SPAG16: variants seen among roughly 807,000 people sequenced by gnomAD.
SPAG16 encodes sperm associated antigen 16, also known as sperm-associated antigen 16 protein.
SPAG16 carries 86 observed loss-of-function variants against 80.4 expected under a neutral mutation model. The ratio of observed to expected loss-of-function variants is 1.07; its 90% CI spans 0.90 to 1.28. The LOEUF (loss-of-function observed/expected upper bound fraction) is 1.28. Among genes scored for constraint, SPAG16 ranks in the 50% most tolerant of loss-of-function variants. SPAG16 has a pLI of 0.00. For missense variants in SPAG16, 870 were observed against 765.3 expected (o/e 1.14, Z -1.61); for synonymous variants, 294 against 265.9 (o/e 1.11, Z -1.03).
chr2:213,733,399 T>G (rs557177196), intron 10 of SPAG16, among the ~76,000 whole-genome samples: 10 of 152,146 alleles, frequency 6.6e-5, no homozygotes, highest in Admixed American at 5.9e-4. Context: ...AGGAGGAATA[T>G]CCCAATAAAG....
At chr2:213,925,342 GTTTCTTTTCTTCCTTTTT>G (rs1319602080) in intron 11 of SPAG16, among the ~76,000 whole-genome samples, 1 of 142,558 alleles carries the variant, frequency 7.0e-6, no homozygotes, top group Non-Finnish European at 1.5e-5. Flanking sequence ...ACTTGTTCTT[GTTTCTTTTCTTCCTTTTT>G]TTTTTTTTTG....
At chr2:214,234,705 A>G (rs1688957024) in intron 15 of SPAG16, among the ~76,000 whole-genome samples, 1 of 152,028 alleles carries the variant, frequency 6.6e-6, no homozygotes, top group Admixed American at 6.6e-5. Context: ...GTGCCTGTTT[A>G]TGTCCTTTGC....
chr2:213,755,326 A>G (rs927176618), intron 10 of SPAG16, among the ~76,000 whole-genome samples: 2 of 152,230 alleles, frequency 1.3e-5, no homozygotes, highest in African/African-American at 4.8e-5. Context: ...ATTTTAAAAT[A>G]GTTTTGACTG....
intron 15 of SPAG16, among the ~76,000 whole-genome samples, chr2:214,346,974 T>C (rs988212130): frequency 3.3e-5 from 5 of 152,208 alleles, no homozygotes; most frequent in African/African-American, 1.2e-4. Context: ...GTTTGGGGTT[T>C]GTCATATTTC....
intron 15 of SPAG16, among the ~76,000 whole-genome samples, chr2:214,291,205 T>A (rs569875486): frequency 6.6e-6 from 1 of 152,138 alleles, no homozygotes; most frequent in South Asian, 2.1e-4. Flanking sequence ...TCCTTTTGTT[T>A]GGAATATCTT....
In SPAG16 at chr2:214,013,999, C is replaced by T; in HGVS notation, c.1449C>T (p.Ser483=). 6.2e-7 allele frequency: 1 copy of T among 1,613,456 alleles called. No homozygotes were observed. Among genetic ancestry groups the T allele is most frequent in the Non-Finnish European group, 8.5e-7 (1 of 1,179,668 alleles). ...TLYGHTDSVN[S]IEFFPFSNTL... ...ATGGACATACAGATTCTGTGAACAG[C>T]ATTGAGTTTTTTCCTTTCTCCAATA... is the stretch of plus-strand genomic sequence containing the variant. The change falls in exon 13 of 16, where the codon AGC becomes AGT. Residue 483 remains serine, a synonymous_variant. Transcript: ENST00000331683.
At chr2:213,456,843 A>C (rs2072046142) in intron 9 of SPAG16, among the ~76,000 whole-genome samples, 1 of 150,570 alleles carries the variant, frequency 6.6e-6, no homozygotes, top group African/African-American at 2.4e-5. Context: ...TTTTGGAACA[A>C]CTCTCTATGG....
At chr2:214,328,972 C>T (rs1696696536) in intron 15 of SPAG16, among the ~76,000 whole-genome samples, 1 of 152,030 alleles carries the variant, frequency 6.6e-6, no homozygotes, top group African/African-American at 2.4e-5. Flanking sequence ...TCATTATATA[C>T]ATAAGAAAAC....
At position 214,410,418 on chromosome 2, in the gene SPAG16, C is replaced by A; in HGVS notation, c.*103C>A. On this transcript the variant is annotated 3_prime_UTR_variant, in exon 16 of 16. Transcript: ENST00000331683. Reference sequence around the variant, plus strand: ...ACTGGTTAAATGTGCCAGCAGGTAACATTTACAGTCTGCTTTAAAACATGC... The same window carrying A: ...ACTGGTTAAATGTGCCAGCAGGTAAAATTTACAGTCTGCTTTAAAACATGC... The A allele has an allele frequency of 9.3e-7, 1 of 1,080,628 alleles. No homozygotes were observed. 66.9% of individuals were successfully genotyped at this position (1,080,628 alleles called of 1,614,324 possible). A position where few individuals can be genotyped will look rare whatever the true frequency, so the allele number is the denominator to read the frequency against.
chr2:213,312,002 A>T lies in SPAG16; in HGVS notation c.398+1825A>T, dbSNP rs529945153. 6.6e-5 allele frequency among the ~76,000 whole-genome samples: 10 copies of T among 151,722 alleles called. No individual in the cohort carries two copies. In the East Asian group the frequency reaches 1.7e-3, roughly 26 times the overall value. The stretch of plus-strand genomic sequence containing the variant: ...CAATAGATCCTTTAAATCGAGGGTT[A>T]GAAAACTAAGATCCTTGGGCCAAAT... On this transcript the variant is annotated intron_variant, in intron 4 of 15. Transcript: ENST00000331683.
At chr2:214,147,767 G>C (rs1488195011) in intron 14 of SPAG16, among the ~76,000 whole-genome samples, 1 of 152,126 alleles carries the variant, frequency 6.6e-6, no homozygotes, top group African/African-American at 2.4e-5. Flanking sequence ...GGACAAGGCT[G>C]TTGTATTACT....
chr2:213,432,164 CA>C (rs1559127233), intron 9 of SPAG16, among the ~76,000 whole-genome samples: 2 of 151,992 alleles, frequency 1.3e-5, no homozygotes. Flanking sequence ...ATAACAACCT[CA>C]CATCACATTT....
chr2:214,049,787 G>C (rs2049541619), intron 13 of SPAG16, among the ~76,000 whole-genome samples: 1 of 152,196 alleles, frequency 6.6e-6, no homozygotes, highest in Non-Finnish European at 1.5e-5. Context: ...GCAGCACTAG[G>C]CCAACCTGAA....
chr2:213,522,955 C>G (rs967122481), intron 10 of SPAG16, among the ~76,000 whole-genome samples: 1 of 151,814 alleles, frequency 6.6e-6, no homozygotes, highest in Non-Finnish European at 1.5e-5. Flanking sequence ...GCAGAGGCAA[C>G]TAATTATTGT....
chr2:213,918,580 G>A (rs2078071220), intron 11 of SPAG16, among the ~76,000 whole-genome samples: 1 of 152,130 alleles, frequency 6.6e-6, no homozygotes, highest in South Asian at 2.1e-4. Flanking sequence ...CATGAGATCT[G>A]ATGGTTTTAT....
At chr2:213,695,064 A>G (rs1387507171) in intron 10 of SPAG16, among the ~76,000 whole-genome samples, 1 of 152,036 alleles carries the variant, frequency 6.6e-6, no homozygotes, top group Non-Finnish European at 1.5e-5. Context: ...ACTTCCCTCC[A>G]CTACTGGAGG....
chr2:213,980,703 T>A (rs2045686532), intron 12 of SPAG16, among the ~76,000 whole-genome samples: 1 of 86,560 alleles, frequency 1.2e-5, no homozygotes, highest in African/African-American at 6.6e-5. Flanking sequence ...TATATGTGTG[T>A]GTGTGTGTGT....
chr2:213,364,249 G>A (rs76819226), intron 8 of SPAG16, 104 bp downstream of exon 8: 10,592 of 517,298 alleles, frequency 0.02, 859 homozygotes, highest in African/African-American at 0.18. Flanking sequence ...AGTAAGTGGT[G>A]GCTATTTCAC....
intron 10 of SPAG16, among the ~76,000 whole-genome samples, chr2:213,592,074 T>A (rs2060712228): frequency 6.6e-6 from 1 of 152,238 alleles, no homozygotes; most frequent in African/African-American, 2.4e-5. Context: ...ATGTTTGAAA[T>A]TTTATTCATA....
Sources: gnomAD v4.1 joint callset for allele counts (sites outside exome capture counted in the v4.1 genomes callset) on GRCh38, gnomAD v4.1.1 for gene constraint, MANE v1.5 for transcripts, NCBI Gene and HGNC (gene_info 2026-07-23, HGNC 2026-07-21) for gene names.